Variants in ABR observed in about 807,000 individuals in gnomAD.
ABR encodes the protein ABR activator of RhoGEF and GTPase, also known as active breakpoint cluster region-related protein.
Under a neutral mutation model 107.2 loss-of-function variants are expected in ABR, and 35 were observed. The observed-to-expected ratio is 0.33, with a 90% CI of 0.25 to 0.43. The LOEUF (loss-of-function observed/expected upper bound fraction) is 0.43. ABR is among the 20% of genes least tolerant of loss of function. The pLI, the probability that ABR is intolerant of heterozygous loss-of-function variation, is 1.00. For missense variants in ABR, 815 were observed against 1,115.2 expected (o/e 0.73, Z 3.83); for synonymous variants, 498 against 462.0 (o/e 1.08, Z -1.00).
intron 2 of ABR, among the ~76,000 whole-genome samples, chr17:1,110,473 C>G (rs1230198455): frequency 6.6e-6 from 1 of 152,224 alleles, no homozygotes; most frequent in East Asian, 1.9e-4. Context: ...TGCCTGATCT[C>G]TGTTCAAAAT....
Position 1,005,163 on chromosome 17 carries a change from T to C in ABR, c.*917A>G. ...AGCCTGACCGCCTCCTCCCCCATTCTCTCCTGACCCTCTGGCTATCTCGAT... is the reference window on the plus strand; with the variant it reads ...AGCCTGACCGCCTCCTCCCCCATTCCCTCCTGACCCTCTGGCTATCTCGAT... On this transcript the variant is annotated 3_prime_UTR_variant, in exon 23 of 23. Coordinates refer to ENST00000302538, the MANE Select transcript of ABR (RefSeq NM_021962.5). 5.0e-6 allele frequency: 2 copies of C among 398,548 alleles called. No individual in the cohort carries two copies. The highest frequency in any genetic ancestry group is 8.8e-6 in the Non-Finnish European group (2 of 226,126). 24.7% of individuals were successfully genotyped at this position (398,548 alleles called of 1,614,324 possible).
intron 1 of ABR, among the ~76,000 whole-genome samples, chr17:1,178,912 T>C (rs1184455382): frequency 6.6e-6 from 1 of 151,504 alleles, no homozygotes; most frequent in Admixed American, 6.6e-5. Context: ...CCATTACCCG[T>C]GATCAGTTAC....
chr17:1,104,459 G>A (rs577827546), intron 2 of ABR, among the ~76,000 whole-genome samples: 1 of 152,284 alleles, frequency 6.6e-6, no homozygotes, highest in East Asian at 1.9e-4. Context: ...CTCTGGCTGC[G>A]ACTCAAGGCT....
At chr17:1,097,460 G>A (rs1451986823) in intron 3 of ABR, among the ~76,000 whole-genome samples, 3 of 151,944 alleles carry the variant, frequency 2.0e-5, no homozygotes, top group East Asian at 1.9e-4. Flanking sequence ...GCGTGGTGGT[G>A]GGTGCCTGTA....
intron 2 of ABR, among the ~76,000 whole-genome samples, chr17:1,105,601 C>T (rs147009231): frequency 3.2e-4 from 48 of 152,236 alleles, no homozygotes; most frequent in Non-Finnish European, 5.9e-4. Context: ...GGGCTGGGCT[C>T]AGTGGCTCAC....
chr17:1,162,113 G>C (rs1342189812), intron 1 of ABR, among the ~76,000 whole-genome samples: 1 of 152,228 alleles, frequency 6.6e-6, no homozygotes, highest in Non-Finnish European at 1.5e-5. Flanking sequence ...CCAGAGGTTA[G>C]AGACTCCCAG....
intron 1 of ABR, among the ~76,000 whole-genome samples, chr17:1,225,286 T>C (rs991676599): frequency 3.3e-5 from 5 of 152,024 alleles, no homozygotes; most frequent in Admixed American, 1.3e-4. Flanking sequence ...GTGTGAGCCA[T>C]TGTACCAGCC....
chr17:1,057,738 C>T (rs904315812), intron 12 of ABR: 20 of 504,680 alleles, frequency 4.0e-5, no homozygotes, highest in Non-Finnish European at 6.9e-5. Flanking sequence ...AGAGAAAGCC[C>T]AGGCTGGGCT....
chr17:1,007,694 C>T (rs966007761), intron 21 of ABR, among the ~76,000 whole-genome samples: 17 of 152,242 alleles, frequency 1.1e-4, no homozygotes, highest in African/African-American at 3.6e-4. Flanking sequence ...TCACCCCCAT[C>T]GTGTAGATGA....
intron 18 of ABR, chr17:1,012,404 C>T (rs1011825343): frequency 4.2e-5 from 28 of 669,696 alleles, no homozygotes; most frequent in Non-Finnish European, 5.2e-5. Flanking sequence ...CGAGCCCAAA[C>T]GTAGGCCCCC....
rs2072262042 is a variant in ABR at position 1,027,123 on chromosome 17, G to A, written c.1792-13959C>T. Among the ~76,000 whole-genome samples, 1 of 152,204 alleles carries A rather than the reference G, an allele frequency of 6.6e-6. No individual in the cohort carries two copies. The highest frequency in any genetic ancestry group is 2.1e-4 in the South Asian group (1 of 4,828). ...AAATGTCTGGGGCCTCATTGCCTCT[G>A]GGTACTACAGCAACACTGGGCTCAG... On this transcript the variant is annotated intron_variant, in intron 16 of 22. Coordinates refer to ENST00000302538, the MANE Select transcript of ABR (RefSeq NM_021962.5). This position sits in a 1 kb window ranked among gnomAD's most constrained non-coding sequence, Gnocchi z 4.7.
chr17:1,018,135 C>CG (rs1297413684), intron 16 of ABR, among the ~76,000 whole-genome samples: 1 of 152,034 alleles, frequency 6.6e-6, no homozygotes, highest in Non-Finnish European at 1.5e-5. Context: ...CTCCGCCTCC[C>CG]GGGTTCACGC....
chr17:1,023,750 C>T (rs917983256), intron 16 of ABR, among the ~76,000 whole-genome samples: 2 of 152,114 alleles, frequency 1.3e-5, no homozygotes, highest in African/African-American at 2.4e-5. Flanking sequence ...CAGGGCTGGG[C>T]GCGGTGGTTC....
intron 2 of ABR, among the ~76,000 whole-genome samples, chr17:1,113,640 C>T (rs900537213): frequency 6.6e-6 from 1 of 152,138 alleles, no homozygotes; most frequent in Non-Finnish European, 1.5e-5. Context: ...GGGAGCCTCC[C>T]GTGACTCCCC....
chr17:1,197,239 G>A (rs2042587903), intron 1 of ABR, among the ~76,000 whole-genome samples: 1 of 151,762 alleles, frequency 6.6e-6, no homozygotes, highest in African/African-American at 2.4e-5. Flanking sequence ...TGGGAAACAG[G>A]CCGTGATCTC....
At chr17:1,021,929 C>T (rs1486586056) in intron 16 of ABR, among the ~76,000 whole-genome samples, 6 of 151,804 alleles carry the variant, frequency 4.0e-5, no homozygotes, top group Admixed American at 1.3e-4. Context: ...GAGGCAGAGG[C>T]GGGCGGATCA....
intron 1 of ABR, among the ~76,000 whole-genome samples, chr17:1,207,680 A>G (rs1192772438): frequency 6.6e-6 from 1 of 151,762 alleles, no homozygotes; most frequent in Non-Finnish European, 1.5e-5. Context: ...AAGTGGGGGA[A>G]AAAAGGAAAC....
intron 2 of ABR, among the ~76,000 whole-genome samples, chr17:1,106,361 G>T (rs1245253021): frequency 2.6e-5 from 4 of 151,988 alleles, no homozygotes; most frequent in Non-Finnish European, 5.9e-5. Flanking sequence ...CCAGGGAAGG[G>T]TGTGCCAAGA....
At chr17:1,088,754 A>G (rs2036803915) in intron 4 of ABR, among the ~76,000 whole-genome samples, 1 of 150,992 alleles carries the variant, frequency 6.6e-6, no homozygotes, top group Non-Finnish European at 1.5e-5. Flanking sequence ...ATGCCCGGCT[A>G]ATTTTTGTAT....
Sources: allele counts gnomAD v4.1 joint callset (sites outside exome capture counted in the v4.1 genomes callset), GRCh38; gene constraint gnomAD v4.1.1; non-coding constraint Gnocchi (gnomAD v3.1); transcripts MANE v1.5; gene names NCBI Gene and HGNC (gene_info 2026-07-23, HGNC 2026-07-21).